WNT7A: variants seen among roughly 807,000 people sequenced by gnomAD.
WNT7A encodes Wnt family member 7A.
WNT7A carries 16 observed loss-of-function variants against 28.2 expected under a neutral mutation model. The ratio of observed to expected loss-of-function variants is 0.57; its 90% CI spans 0.38 to 0.86. WNT7A has a LOEUF of 0.86. Ranked by LOEUF, WNT7A falls within the 40% of genes least tolerant of loss-of-function variation. The pLI is 0.00. For missense variants in WNT7A, 411 were observed against 489.7 expected (o/e 0.84, Z 1.52); for synonymous variants, 190 against 195.9 (o/e 0.97, Z 0.25).
chr3:13,827,484 T>A (rs950538676), intron 3 of WNT7A, among the ~76,000 whole-genome samples: 7 of 152,124 alleles, frequency 4.6e-5, no homozygotes, highest in African/African-American at 1.7e-4. Flanking sequence ...TTACTCAGGG[T>A]GGGGTTCTCA....
intron 2 of WNT7A, among the ~76,000 whole-genome samples, chr3:13,857,666 T>A (rs1575070141): frequency 1.3e-5 from 2 of 150,914 alleles, no homozygotes; most frequent in East Asian, 3.9e-4. Flanking sequence ...AAGAGAAAGC[T>A]CTCCAACCCC....
At position 13,830,398 on chromosome 3, in the gene WNT7A, G is replaced by C. The variant is rs372992856; in HGVS notation, c.571-10975C>G. Among the ~76,000 whole-genome samples, 7 of 152,222 alleles carry C rather than the reference G, an allele frequency of 4.6e-5. No individual in the cohort carries two copies. In the East Asian group the frequency reaches 1.2e-3, roughly 25 times the overall value. ...CCAAGTTCCGCTGGCTTCCTCTCCT[G>C]TGCCCCATGCCCCATCTGTTCATGT... On this transcript the variant is annotated intron_variant, in intron 3 of 3. Coordinates refer to ENST00000285018, the MANE Select transcript of WNT7A (RefSeq NM_004625.4).
intron 2 of WNT7A, among the ~76,000 whole-genome samples, chr3:13,868,726 AAGAAAGAAAGAAG>A (rs1426063536): frequency 5.4e-5 from 8 of 147,760 alleles, no homozygotes; most frequent in East Asian, 2.0e-4. Flanking sequence ...GAAAGAAAGA[AAGAAAGAAAGAAG>A]AGAAAGAAAG....
At chr3:13,841,658 G>T (rs752036349) in intron 3 of WNT7A, among the ~76,000 whole-genome samples, 43 of 152,214 alleles carry the variant, frequency 2.8e-4, no homozygotes, top group Non-Finnish European at 5.6e-4. Flanking sequence ...AATATCGAAG[G>T]CACAGAGGGG....
At chr3:13,875,996 C>T (rs1194230067) in intron 1 of WNT7A, 1 of 152,314 alleles carries the variant, frequency 6.6e-6, no homozygotes, top group Non-Finnish European at 1.5e-5. Context: ...ATGAATAAAA[C>T]AGGCCATCTC....
At position 13,819,289 on chromosome 3, in the gene WNT7A, G is replaced by A. The variant is rs536761427; in HGVS notation, c.705C>T (p.Ala235=). ...GYVLKDKYNE[A]VHVEPVRASR... is the part of the protein sequence containing the mutation. ...TGGCACGCACAGGCTCCACGTGAAC[G>A]GCCTCGTTGTACTTGTCCTTGAGCA... Residue 235 remains alanine, a synonymous_variant, in exon 4 of 4, where the codon GCC becomes GCT. Transcript: ENST00000285018. The A allele has an allele frequency of 2.5e-5, 40 of 1,614,172 alleles. No homozygotes were observed. The South Asian group carries it at 2.6e-4, about 11-fold the overall frequency.
chr3:13,824,592 C>A (rs1175103275), intron 3 of WNT7A, among the ~76,000 whole-genome samples: 1 of 152,224 alleles, frequency 6.6e-6, no homozygotes, highest in Non-Finnish European at 1.5e-5. Context: ...AGTGGATACA[C>A]CTGGCTCCTC....
chr3:13,839,476 C>T (rs1158804889), intron 3 of WNT7A, among the ~76,000 whole-genome samples: 2 of 152,212 alleles, frequency 1.3e-5, no homozygotes, highest in Non-Finnish European at 2.9e-5. Context: ...AAACCTAACC[C>T]TCACCAGGAA....
At chr3:13,859,537 T>C (rs1325552513) in intron 2 of WNT7A, among the ~76,000 whole-genome samples, 1 of 152,228 alleles carries the variant, frequency 6.6e-6, no homozygotes, top group Non-Finnish European at 1.5e-5. Context: ...GCATCTGTTT[T>C]ATCCATGGCC....
At chr3:13,860,757 G>C (rs888129047) in intron 2 of WNT7A, among the ~76,000 whole-genome samples, 1 of 152,134 alleles carries the variant, frequency 6.6e-6, no homozygotes, top group Non-Finnish European at 1.5e-5. Flanking sequence ...TCAGCTGTAC[G>C]GGGAAGCCCC....
chr3:13,833,506 G>A (rs1694315413), intron 3 of WNT7A, among the ~76,000 whole-genome samples: 1 of 152,238 alleles, frequency 6.6e-6, no homozygotes, highest in South Asian at 2.1e-4. Flanking sequence ...ATTTAAAGTA[G>A]CAAACCCATT....
intron 2 of WNT7A, among the ~76,000 whole-genome samples, chr3:13,874,449 A>G (rs1695072866): frequency 6.6e-6 from 1 of 152,192 alleles, no homozygotes; most frequent in Admixed American, 6.5e-5. Flanking sequence ...ATCATGTCAC[A>G]GGAATGCACA....
rs549850589 is a variant in WNT7A at position 13,876,655 on chromosome 3, G to C, written c.72-1482C>G. Among the ~76,000 whole-genome samples, 4 of 152,184 alleles carry C rather than the reference G, an allele frequency of 2.6e-5. No homozygotes were observed. The East Asian group carries it at 7.7e-4, about 29-fold the overall frequency. ...TGACATGGACCCATGCCCTCCAAGCGCACAACTGATCACTCCTGCCGTTTC... is the reference window on the plus strand; with the variant it reads ...TGACATGGACCCATGCCCTCCAAGCCCACAACTGATCACTCCTGCCGTTTC... On this transcript the variant is annotated intron_variant, in intron 1 of 3. Coordinates refer to ENST00000285018, the MANE Select transcript of WNT7A (RefSeq NM_004625.4).
chr3:13,838,083 C>T (rs1053484001), intron 3 of WNT7A, among the ~76,000 whole-genome samples: 15 of 152,346 alleles, frequency 9.8e-5, no homozygotes, highest in Admixed American at 9.8e-4. Context: ...AAATACACCC[C>T]GGTTATCTCT....
At chr3:13,861,549 G>A (rs1289672333) in intron 2 of WNT7A, among the ~76,000 whole-genome samples, 1 of 152,258 alleles carries the variant, frequency 6.6e-6, no homozygotes, top group South Asian at 2.1e-4. Context: ...AGTGATGGGA[G>A]TGGGGATATC....
chr3:13,878,517 C>A (rs1215527121), intron 1 of WNT7A, among the ~76,000 whole-genome samples: 1 of 152,200 alleles, frequency 6.6e-6, no homozygotes, highest in Non-Finnish European at 1.5e-5. Flanking sequence ...GCCGCCTCTC[C>A]GCCGCTGGTC....
Position 13,854,640 on chromosome 3 carries a change from G to A in WNT7A, c.462C>T (p.Ala154=), listed in dbSNP as rs1343077787. The part of the protein sequence containing the change: ...DEGWKWGGCS[A]DIRYGIGFAK... ...CGAAGCCGATGCCGTAGCGGATGTCGGCAGAGCAGCCACCCCACTTCCAGC... is the reference window on the plus strand; with the variant it reads ...CGAAGCCGATGCCGTAGCGGATGTCAGCAGAGCAGCCACCCCACTTCCAGC... Residue 154 remains alanine (A), a synonymous_variant, in exon 3 of 4, where the codon GCC becomes GCT. Transcript: ENST00000285018. 6.8e-6 allele frequency: 11 copies of A among 1,614,050 alleles called. No individual in the cohort carries two copies. The highest frequency in any genetic ancestry group is 3.3e-4 in the Middle Eastern group (2 of 6,084).
At position 13,817,453 on chromosome 3, in the gene WNT7A, CA is replaced by C. The variant is rs1694023793; in HGVS notation, c.*1490del. The stretch of plus-strand genomic sequence containing the variant: ...ACACACACACACACACACACACACA[CA>C]CACACACACACACACACCGGAAATG... On this transcript the variant is annotated 3_prime_UTR_variant, in exon 4 of 4. Coordinates refer to ENST00000285018, the MANE Select transcript of WNT7A (RefSeq NM_004625.4). 8.0e-6 allele frequency: 1 copy of C among 124,602 alleles called. No individual in the cohort carries two copies. The highest frequency in any genetic ancestry group is 3.2e-5 in the African/African-American group (1 of 31,414). 7.7% of individuals were successfully genotyped at this position (124,602 alleles called of 1,614,324 possible).
At chr3:13,841,142 T>TAAC (rs1667308495) in intron 3 of WNT7A, among the ~76,000 whole-genome samples, 1 of 152,232 alleles carries the variant, frequency 6.6e-6, no homozygotes, top group Non-Finnish European at 1.5e-5. Context: ...TGGCCTCCTC[T>TAAC]AACTTTTTAA....
Sources: gnomAD v4.1 joint callset for allele counts (sites outside exome capture counted in the v4.1 genomes callset) on GRCh38, gnomAD v4.1.1 for gene constraint, MANE v1.5 for transcripts, NCBI Gene and HGNC (gene_info 2026-07-23, HGNC 2026-07-21) for gene names.